MAST4: variants seen among roughly 807,000 people sequenced by gnomAD.
MAST4 encodes microtubule-associated serine/threonine-protein kinase 4.
MAST4 carries 89 observed loss-of-function variants against 162.7 expected under a neutral mutation model. The ratio of observed to expected loss-of-function variants is 0.55; its 90% CI spans 0.46 to 0.65. MAST4 has a LOEUF of 0.65. Ranked by LOEUF, MAST4 falls within the 30% of genes least tolerant of loss-of-function variation. The probability of loss-of-function intolerance (pLI) is 0.00; values close to 1 mark genes in which losing one functional copy is unlikely to be tolerated. For synonymous variants in MAST4, 1,479 were observed against 1,361.1 expected (o/e 1.09, Z -1.91); for missense variants, 3,153 against 3,374.0 (o/e 0.93, Z 1.62).
chr5:66,862,520 G>A (rs1760193535), intron 3 of MAST4, among the ~76,000 whole-genome samples: 2 of 152,178 alleles, frequency 1.3e-5, no homozygotes, highest in Non-Finnish European at 2.9e-5. Context: ...GATATGTAAT[G>A]TTTTAAAATG....
intron 3 of MAST4, 122 bp from the exon 4 acceptor site, chr5:66,899,829 A>C (rs945622754): frequency 1.4e-6 from 1 of 703,344 alleles, no homozygotes; most frequent in African/African-American, 1.9e-5. Context: ...AAATGTTTTC[A>C]GTATAAGAAA....
chr5:67,132,511 C>T (rs1053130776), intron 16 of MAST4, among the ~76,000 whole-genome samples: 3 of 151,850 alleles, frequency 2.0e-5, no homozygotes, highest in Non-Finnish European at 4.4e-5. Context: ...CTTAGATTAC[C>T]TTTTCCTACT....
chr5:66,957,990 A>G (rs575284491), intron 4 of MAST4, among the ~76,000 whole-genome samples: 8 of 152,212 alleles, frequency 5.3e-5, no homozygotes, highest in Non-Finnish European at 1.2e-4. Flanking sequence ...ATCCTATTAT[A>G]GCCGCCAACT....
chr5:67,074,042 C>T (rs911250273), intron 5 of MAST4, among the ~76,000 whole-genome samples: 3 of 151,204 alleles, frequency 2.0e-5, no homozygotes, highest in African/African-American at 7.3e-5. Flanking sequence ...TAACTTAGGA[C>T]ATATCTACAA....
chr5:67,078,184 A>G (rs1201986186), intron 5 of MAST4, among the ~76,000 whole-genome samples: 1 of 152,154 alleles, frequency 6.6e-6, no homozygotes, highest in African/African-American at 2.4e-5. Context: ...TTCCAAACAG[A>G]TAAAACACCT....
intron 1 of MAST4, among the ~76,000 whole-genome samples, chr5:66,746,970 A>AT (rs1237465634): frequency 6.6e-6 from 1 of 151,686 alleles, no homozygotes; most frequent in Non-Finnish European, 1.5e-5. Flanking sequence ...TTTTTTTTTA[A>AT]CATCTTTAGA....
intron 1 of MAST4, among the ~76,000 whole-genome samples, chr5:66,681,395 G>C (rs982648001): frequency 1.3e-5 from 2 of 152,242 alleles, no homozygotes; most frequent in African/African-American, 4.8e-5. Context: ...GTTTGGGCCA[G>C]TGTCGTCCAG....
chr5:66,648,884 A>G (rs1746035148), intron 1 of MAST4, among the ~76,000 whole-genome samples: 1 of 152,166 alleles, frequency 6.6e-6, no homozygotes, highest in Non-Finnish European at 1.5e-5. Flanking sequence ...TTTTATGTTT[A>G]TGACCATTCG....
intron 3 of MAST4, among the ~76,000 whole-genome samples, chr5:66,852,685 A>T (rs1759399427): frequency 6.6e-6 from 1 of 152,160 alleles, no homozygotes; most frequent in East Asian, 1.9e-4. Flanking sequence ...CCAAATTAGA[A>T]ACACAGATAA....
chr5:66,908,625 T>G (rs1763540994), intron 4 of MAST4, among the ~76,000 whole-genome samples: 1 of 152,120 alleles, frequency 6.6e-6, no homozygotes, highest in African/African-American at 2.4e-5. Flanking sequence ...TTTTAGCAAA[T>G]CAGAATAAAG....
In MAST4 at chr5:66,952,134, AC is replaced by A. The variant is rs1256608500; in HGVS notation, c.674+52155del. 1.2e-4 allele frequency among the ~76,000 whole-genome samples: 18 copies of A among 152,248 alleles called. No homozygotes were observed. In the East Asian group the frequency reaches 3.3e-3, roughly 28 times the overall value. On this transcript the variant is annotated intron_variant, in intron 4 of 28. Transcript: ENST00000403625. ...TTGACACCTTAGATGACAATGATGA[AC>A]CCTCTCTGAGGAGAAAGGGACCCAT...
At chr5:66,699,813 G>A (rs911657802) in intron 1 of MAST4, among the ~76,000 whole-genome samples, 1 of 152,060 alleles carries the variant, frequency 6.6e-6, no homozygotes, top group Non-Finnish European at 1.5e-5. Flanking sequence ...TAATGCATGC[G>A]GGGCTTAATA....
intron 4 of MAST4, among the ~76,000 whole-genome samples, chr5:67,049,702 A>G (rs976237855): frequency 2.2e-4 from 34 of 152,154 alleles, no homozygotes; most frequent in Admixed American, 1.7e-3. Context: ...CTTATTTTTT[A>G]CTGAATGTTG....
chr5:67,090,277 T>A, intron 6 of MAST4, 46 bp downstream of exon 6: 2 of 1,439,988 alleles, frequency 1.4e-6, no homozygotes, highest in Non-Finnish European at 9.7e-7. Context: ...ATAGAGAGAA[T>A]CCCATTTTCC....
chr5:66,678,497 A>T (rs1748103093), intron 1 of MAST4, among the ~76,000 whole-genome samples: 1 of 149,232 alleles, frequency 6.7e-6, no homozygotes, highest in Admixed American at 6.7e-5. Flanking sequence ...CATATCAACT[A>T]CATTTTTTTT....
chr5:67,071,739 G>A (rs778885680), intron 5 of MAST4, among the ~76,000 whole-genome samples: 11 of 152,288 alleles, frequency 7.2e-5, no homozygotes, highest in Non-Finnish European at 1.3e-4. Flanking sequence ...CAGCCTGGGC[G>A]ACAGAGCGAG....
chr5:66,961,982 C>T (rs1746070395), intron 4 of MAST4, among the ~76,000 whole-genome samples: 1 of 152,204 alleles, frequency 6.6e-6, no homozygotes, highest in Admixed American at 6.5e-5. Context: ...TCTGTTGAAA[C>T]ATTATATTTT....
Position 67,163,913 on chromosome 5 carries a change from G to T in MAST4, c.4734G>T (p.Pro1578=). The part of the protein sequence containing the change: ...KLEEREKKVY[P]KAVERSSTFE... ...AAGAGAGAGAGAAGAAAGTCTATCC[G>T]AAGGCTGTGGAAAGGTCAAGTACTT... The change falls in exon 29 of 29, where the codon CCG becomes CCT. Residue 1578 remains proline (P), a synonymous_variant. Coordinates refer to ENST00000403625, the MANE Select transcript of MAST4 (RefSeq NM_001164664.2). The surrounding 1 kb of genome is among the most constrained non-coding windows in gnomAD (Gnocchi z 7.0). 1.2e-6 allele frequency: 2 copies of T among 1,613,998 alleles called. No homozygotes were observed. Among genetic ancestry groups the T allele is most frequent in the Non-Finnish European group, 1.7e-6 (2 of 1,179,874 alleles).
In MAST4 at chr5:66,640,358, A is replaced by C. The variant is rs186629307; in HGVS notation, c.363+43340A>C. Among the ~76,000 whole-genome samples the C allele has an allele frequency of 2.7e-5, 4 of 147,230 alleles. No homozygotes were observed. The Admixed American group carries it at 2.8e-4, about 10-fold the overall frequency. On this transcript the variant is annotated intron_variant, in intron 1 of 28. Transcript: ENST00000403625. ...AGTCTCGCTCTGTTGCCCAGGCTGC[A>C]CTGCAGTGGCACAATCTCGGCTCAC...
Sources: allele counts gnomAD v4.1 joint callset (sites outside exome capture counted in the v4.1 genomes callset), GRCh38; gene constraint gnomAD v4.1.1; non-coding constraint Gnocchi (gnomAD v3.1); transcripts MANE v1.5; gene names NCBI Gene and HGNC (gene_info 2026-07-23, HGNC 2026-07-21).